VSTM2B: variants seen among roughly 807,000 people sequenced by gnomAD.
VSTM2B encodes the protein V-set and transmembrane domain-containing protein 2B.
VSTM2B carries 24 observed loss-of-function variants against 24.0 expected under a neutral mutation model. That is an observed-to-expected ratio of 1.00 (90% confidence interval 0.72 to 1.40). The LOEUF is 1.40. Among genes scored for constraint, VSTM2B ranks in the 40% most tolerant of loss-of-function variants. VSTM2B has a pLI of 0.00. For missense variants in VSTM2B, 399 were observed against 416.4 expected, an observed-to-expected ratio of 0.96 and a Z score of 0.36; for synonymous variants, 226 against 194.4, an observed-to-expected ratio of 1.16 and a Z score of -1.35.
chr19:29,547,093 G>T (rs552307336), intron 4 of VSTM2B, among the ~76,000 whole-genome samples: 75 of 152,292 alleles, frequency 4.9e-4, no homozygotes, highest in African/African-American at 1.6e-3. Flanking sequence ...GGCCTTGGTT[G>T]GGCTGCCAGA....
At chr19:29,529,167 G>A (rs1969663726) in intron 3 of VSTM2B, 6 of 980,656 alleles carry the variant, frequency 6.1e-6, no homozygotes, top group Non-Finnish European at 7.3e-6. Flanking sequence ...GGGGCGCAGG[G>A]GAGGAGCACT....
intron 4 of VSTM2B, among the ~76,000 whole-genome samples, chr19:29,541,471 G>A (rs1970016084): frequency 6.6e-6 from 1 of 152,074 alleles, no homozygotes; most frequent in Non-Finnish European, 1.5e-5. Context: ...ATAGATGGGT[G>A]GATGATGGAA....
chr19:29,528,372 C>G (rs1335013768), intron 2 of VSTM2B, 61 bp from the exon 3 acceptor site: 1 of 1,549,768 alleles, frequency 6.5e-7, no homozygotes, highest in African/African-American at 1.4e-5. Flanking sequence ...AAGGCGGATC[C>G]GAGTTCCCCT....
intron 3 of VSTM2B, among the ~76,000 whole-genome samples, chr19:29,529,282 G>GTGT (rs771671372): frequency 1.1e-4 from 16 of 152,216 alleles, no homozygotes; most frequent in Non-Finnish European, 1.9e-4. Context: ...AGAAAGCACA[G>GTGT]TGTTAGCTGT....
At chr19:29,528,880 G>T (rs1969652776) in intron 3 of VSTM2B, 1 of 981,068 alleles carries the variant, frequency 1.0e-6, no homozygotes, top group Non-Finnish European at 1.2e-6. Flanking sequence ...TCTGCTCTGC[G>T]CCCTCCGCTG....
intron 4 of VSTM2B, among the ~76,000 whole-genome samples, chr19:29,540,436 C>T (rs1390140795): frequency 6.6e-6 from 1 of 152,246 alleles, no homozygotes; most frequent in Non-Finnish European, 1.5e-5. Flanking sequence ...TGGGAGAAGA[C>T]TTCCTGATCC....
intron 4 of VSTM2B, among the ~76,000 whole-genome samples, chr19:29,559,956 G>C (rs1425843972): frequency 6.6e-6 from 1 of 152,156 alleles, no homozygotes; most frequent in African/African-American, 2.4e-5. Context: ...CTGCTGGTCT[G>C]TTGGGCTCAT....
chr19:29,554,297 A>T (rs796077307), intron 4 of VSTM2B, among the ~76,000 whole-genome samples: 3 of 152,374 alleles, frequency 2.0e-5, no homozygotes, highest in African/African-American at 7.2e-5. Flanking sequence ...TTTCCAACAC[A>T]GAATATCATA....
rs978577215 is a variant in VSTM2B, at chr19:29,526,071, G to C, written c.-513G>C. ...GCTGGGTCGGACGCCAGGTCTGCGC[G>C]CCGCGGCTGAGCGCCCACTCGCCCT... On this transcript the variant is annotated 5_prime_UTR_variant, in exon 1 of 5. Transcript: ENST00000335523. The surrounding 1 kb of genome is among the most constrained non-coding windows in gnomAD (Gnocchi z 4.1). 2.6e-5 allele frequency among the ~76,000 whole-genome samples: 4 copies of C among 151,890 alleles called. No homozygotes were observed. The highest frequency in any genetic ancestry group is 5.9e-5 in the Non-Finnish European group (4 of 67,930).
rs182662939 is a variant in VSTM2B at position 29,558,232 on chromosome 19, G to A, written c.770-5614G>A. ...ACAATAGATGCTGGAAAGGCTGTGG[G>A]GAAATAGAAGTGTTTTTACAGTGTT... On this transcript the variant is annotated intron_variant, in intron 4 of 4. Coordinates refer to ENST00000335523, the MANE Select transcript of VSTM2B (RefSeq NM_001146339.2). Among the ~76,000 whole-genome samples the A allele has an allele frequency of 5.1e-3, 780 of 152,212 alleles. 4 individuals carry two copies. The highest frequency in any genetic ancestry group is 0.018 in the African/African-American group (739 of 41,520).
chr19:29,548,542 C>T (rs937210910), intron 4 of VSTM2B, among the ~76,000 whole-genome samples: 3 of 152,210 alleles, frequency 2.0e-5, no homozygotes, highest in African/African-American at 7.2e-5. Flanking sequence ...CATGAAGAGG[C>T]TTTTAATAAA....
At position 29,554,613 on chromosome 19, in the gene VSTM2B, AC is replaced by A. The variant is rs527806363; in HGVS notation, c.770-9232del. On this transcript the variant is annotated intron_variant, in intron 4 of 4. Transcript: ENST00000335523. Reference sequence around the variant, plus strand: ...AAGCTCTAAATGCCCCAATTAAAAGACATAGAATGGCAGGCTGATAAAGAGT... The same window carrying A: ...AAGCTCTAAATGCCCCAATTAAAAGAATAGAATGGCAGGCTGATAAAGAGT... 3.9e-3 allele frequency among the ~76,000 whole-genome samples: 594 copies of A among 152,330 alleles called. 5 individuals carry two copies. The highest frequency in any genetic ancestry group is 3.5e-3 in the Non-Finnish European group (239 of 68,038).
At chr19:29,540,545 T>A (rs556169426) in intron 4 of VSTM2B, among the ~76,000 whole-genome samples, 2 of 152,368 alleles carry the variant, frequency 1.3e-5, no homozygotes, top group Non-Finnish European at 1.5e-5. Flanking sequence ...AGTCAACACC[T>A]GGCTGAGTGC....
intron 4 of VSTM2B, among the ~76,000 whole-genome samples, chr19:29,551,005 G>A (rs1187414677): frequency 1.3e-5 from 2 of 152,172 alleles, no homozygotes; most frequent in Non-Finnish European, 2.9e-5. Context: ...ACAGACTACA[G>A]CTGGGGCCCA....
chr19:29,537,183 T>C lies in VSTM2B; in HGVS notation c.769+6893T>C, dbSNP rs79459732. ...CCCTGTAACTCTTGATTCCTGACTA[T>C]TCCTGATGAAGAATGACACACCTCC... On this transcript the variant is annotated intron_variant, in intron 4 of 4. Coordinates refer to ENST00000335523, the MANE Select transcript of VSTM2B (RefSeq NM_001146339.2). Among the ~76,000 whole-genome samples the C allele has an allele frequency of 5.3e-3, 812 of 152,244 alleles. 7 individuals are homozygous for C. The highest frequency in any genetic ancestry group is 0.018 in the African/African-American group (765 of 41,536).
chr19:29,553,731 G>T (rs1970339898), intron 4 of VSTM2B, among the ~76,000 whole-genome samples: 1 of 152,206 alleles, frequency 6.6e-6, no homozygotes, highest in African/African-American at 2.4e-5. Flanking sequence ...GAACCGAAAT[G>T]ACCTGATGGA....
chr19:29,527,417 ACCGGCGCGCGC>A (rs1394685223), intron 2 of VSTM2B, 22 bp downstream of exon 2: 3 of 1,460,954 alleles, frequency 2.1e-6, no homozygotes, highest in South Asian at 2.8e-5. Context: ...CCCACGCGGT[ACCGGCGCGCGC>A]CCGGCTCGCG....
intron 4 of VSTM2B, among the ~76,000 whole-genome samples, chr19:29,548,933 A>T (rs1970209776): frequency 6.6e-6 from 1 of 152,194 alleles, no homozygotes; most frequent in Non-Finnish European, 1.5e-5. Context: ...CTGGGGCAGG[A>T]CTGGCAGCTC....
intron 4 of VSTM2B, among the ~76,000 whole-genome samples, chr19:29,547,574 G>T (rs534568292): frequency 6.6e-6 from 1 of 152,186 alleles, no homozygotes; most frequent in Non-Finnish European, 1.5e-5. Context: ...CTTGCTGGGG[G>T]CTGAGGAGAG....
Sources: allele counts gnomAD v4.1 joint callset (sites outside exome capture counted in the v4.1 genomes callset), GRCh38; gene constraint gnomAD v4.1.1; non-coding constraint Gnocchi (gnomAD v3.1); transcripts MANE v1.5; gene names NCBI Gene and HGNC (gene_info 2026-07-23, HGNC 2026-07-21).